The following ABCC5 variants were observed in gnomAD, a reference collection of about 807,000 sequenced individuals.
ABCC5 encodes ATP-binding cassette sub-family C member 5.
A neutral mutation model predicts 160.9 loss-of-function variants in ABCC5; 61 were observed. The ratio of observed to expected loss-of-function variants is 0.38; its 90% CI spans 0.31 to 0.47. ABCC5 has a LOEUF of 0.47. Among genes scored for constraint, ABCC5 ranks in the 20% least tolerant of loss-of-function variants. The pLI, the probability that ABCC5 is intolerant of heterozygous loss-of-function variation, is 0.99. For synonymous variants in ABCC5, 666 were observed against 700.6 expected (o/e 0.95, Z 0.78); for missense variants, 1,308 against 1,813.3 (o/e 0.72, Z 5.06).
rs775189357 is a variant in ABCC5 at position 184,014,440 on chromosome 3, C to T, written c.-48G>A. 1.3e-6 allele frequency: 2 copies of T among 1,538,050 alleles called. No individual in the cohort carries two copies. The highest frequency in any genetic ancestry group is 1.8e-6 in the Non-Finnish European group (2 of 1,142,180). The stretch of plus-strand genomic sequence containing the variant: ...GGCTCACAGACTGTTAGTTTCACAT[C>T]AGAATTCCTGAAATTAAAAATTCAT... On this transcript the variant is annotated 5_prime_UTR_variant, in exon 2 of 30. Coordinates refer to ENST00000334444, the MANE Select transcript of ABCC5 (RefSeq NM_005688.4).
chr3:183,978,727 A>G, intron 8 of ABCC5, 76 bp from the exon 9 acceptor site: 1 of 1,528,158 alleles, frequency 6.5e-7, no homozygotes, highest in Admixed American at 1.8e-5. Context: ...CCTCCAAACA[A>G]GACTCTGTAG....
At position 183,947,367 on chromosome 3, in the gene ABCC5, A is replaced by T. The variant is rs201309685; in HGVS notation, c.3371T>A (p.Ile1124Asn). 1,979 of 1,613,732 alleles carry T rather than the reference A, an allele frequency of 1.2e-3. 2 individuals are homozygous for T. Among genetic ancestry groups the T allele is most frequent in the Non-Finnish European group, 1.6e-3 (1,894 of 1,179,772 alleles). Residue 1124 changes from isoleucine to asparagine, a missense_variant, in exon 23 of 30, where the codon ATT (isoleucine) becomes AAT (asparagine). Physicochemically the swap from Ile to Asn is moderately radical, Grantham distance 149. Around this residue, in one of 3 missense-constraint regions of ABCC5, gnomAD observed 1,142 missense variants for 1,527.1 expected, o/e 0.75. Coordinates refer to ENST00000334444, the MANE Select transcript of ABCC5 (RefSeq NM_005688.4). The part of the protein sequence containing the change: ...GLMIVLMHGQ[I>N]PPAYAGLAIS... Reference sequence around the variant, plus strand: ...GGCGAGACCCGCATAGGCTGGGGGAATCTGCCCGTGCATAAGAACGATCAT... The same window carrying T: ...GGCGAGACCCGCATAGGCTGGGGGATTCTGCCCGTGCATAAGAACGATCAT...
chr3:183,965,483 T>C lies in ABCC5; in HGVS notation c.1852A>G (p.Ser618Gly), dbSNP rs768002807. The change falls in exon 13 of 30, where the codon AGC (serine) becomes GGC (glycine). Residue 618 changes from serine to glycine, a missense_variant. Physicochemically the swap from Ser to Gly is moderately conservative, Grantham distance 56. Transcript: ENST00000334444. ...ILGQMTLLEG[S>G]IAISGTFAYV... is the part of the protein sequence containing the mutation. ...GCGAAGGTTCCACTGATTGCAATGC[T>C]GCCCTCTAGAAGCGTCATCTAGGGA... 15 of 1,613,652 alleles carry C rather than the reference T, an allele frequency of 9.3e-6. No individual in the cohort carries two copies. The highest frequency in any genetic ancestry group is 1.3e-5 in the Non-Finnish European group (15 of 1,180,044).
At chr3:183,967,483 T>A in intron 12 of ABCC5, 1 of 537,330 alleles carries the variant, frequency 1.9e-6, no homozygotes, top group Non-Finnish European at 3.4e-6. Context: ...CAACAGTCAG[T>A]CATCCATCAG....
rs1352544116 is a variant in ABCC5, at chr3:183,927,376, T to C, written c.4001A>G (p.Glu1334Gly). The change falls in exon 28 of 30, where the codon GAA becomes GGA. Residue 1334 changes from glutamate (E) to glycine (G), a missense_variant. By Grantham distance (98) the Glu-to-Gly change is moderately conservative. Transcript: ENST00000334444. The stretch of plus-strand genomic sequence containing the variant: ...TCTAGCTATGCACAAGAGCTGCCGT[T>C]CCCCCACTGAGAAGTTATCCCCATT... ...MENGDNFSVGERQLLCIARAL... is the reference protein window; with the variant it reads ...MENGDNFSVGGRQLLCIARAL... 6.2e-7 allele frequency: 1 copy of C among 1,613,632 alleles called. No homozygotes were observed. Among genetic ancestry groups the C allele is most frequent in the African/African-American group, 1.3e-5 (1 of 74,892 alleles).
At chr3:184,004,459 C>T (rs2108905775) in intron 2 of ABCC5, among the ~76,000 whole-genome samples, 1 of 140,718 alleles carries the variant, frequency 7.1e-6, no homozygotes, top group African/African-American at 2.7e-5. Context: ...TGCAGTGAGC[C>T]AAGACCATGC....
rs146924278 is a variant in ABCC5, at chr3:183,955,800, A to C, written c.2483-2530T>G. Among the ~76,000 whole-genome samples, 2 of 139,680 alleles carry C rather than the reference A, an allele frequency of 1.4e-5. 1 individual carries two copies. The highest frequency in any genetic ancestry group is 3.1e-5 in the Non-Finnish European group (2 of 63,984). 91.6% of individuals were successfully genotyped at this position (139,680 alleles called of 152,430 possible). On this transcript the variant is annotated intron_variant, in intron 17 of 29. Transcript: ENST00000334444. ...TATTACATCTGTTACATGCAGATCC[A>C]TGTGTATATCACATCAGTTACATGC...
In ABCC5 at chr3:183,921,767, C is replaced by T. The variant is rs1190896448; in HGVS notation, c.4213-366G>A. Among the ~76,000 whole-genome samples, 1 of 152,060 alleles carries T rather than the reference C, an allele frequency of 6.6e-6. No homozygotes were observed. The highest frequency in any genetic ancestry group is 2.4e-5 in the African/African-American group (1 of 41,410). On this transcript the variant is annotated intron_variant, in intron 29 of 29. Transcript: ENST00000334444. This position sits in a 1 kb window ranked among gnomAD's most constrained non-coding sequence, Gnocchi z 4.1. ...TAAACTGCAGGAGGCTGGTGGCTCA[C>T]GCCTGTAATCTCAACACTTTGGGAG...
At chr3:183,928,112 CTTTT>C (rs10715407) in intron 27 of ABCC5, among the ~76,000 whole-genome samples, 3 of 138,484 alleles carry the variant, frequency 2.2e-5, no homozygotes, top group Admixed American at 7.3e-5. Context: ...TGTTATGTAT[CTTTT>C]TTTTTTTTTT....
intron 5 of ABCC5, chr3:183,985,014 A>T: frequency 1.2e-6 from 1 of 855,828 alleles, no homozygotes. Flanking sequence ...GGAAGGTAAA[A>T]GACATAGTGA....
chr3:183,999,102 G>A (rs10559442), intron 2 of ABCC5, among the ~76,000 whole-genome samples: 18 of 144,452 alleles, frequency 1.2e-4, no homozygotes, highest in Non-Finnish European at 1.8e-4. Context: ...AAAAAAAAAA[G>A]AAAAAAAAAA....
At chr3:183,927,518 A>T (rs936814807) in intron 27 of ABCC5, 75 bp from the exon 28 acceptor site, 38 of 1,531,108 alleles carry the variant, frequency 2.5e-5, no homozygotes, top group Non-Finnish European at 3.1e-5. Context: ...GGACAGAAAG[A>T]AATGATTCTG....
chr3:184,002,163 C>T (rs1051886773), intron 2 of ABCC5, among the ~76,000 whole-genome samples: 3 of 151,978 alleles, frequency 2.0e-5, no homozygotes, highest in African/African-American at 7.2e-5. Flanking sequence ...TTTGGGAGGC[C>T]AAGGTGGGAG....
intron 25 of ABCC5, among the ~76,000 whole-genome samples, chr3:183,939,420 G>A (rs1413871213): frequency 2.0e-5 from 3 of 152,164 alleles, no homozygotes; most frequent in East Asian, 1.9e-4. Context: ...GCGACAGAAC[G>A]AGACTCTGTT....
rs1560000416 is a variant in ABCC5, at chr3:183,953,225, C to G, written c.2528G>C (p.Trp843Ser). The change falls in exon 18 of 30, where the codon TGG (tryptophan) becomes TCG (serine). Residue 843 changes from tryptophan to serine, a missense_variant. Physicochemically the swap from Trp to Ser is radical, Grantham distance 177. This residue lies in a region of ABCC5 where 1,142 missense variants were observed against 1,527.1 expected (regional missense o/e 0.75). Coordinates refer to ENST00000334444, the MANE Select transcript of ABCC5 (RefSeq NM_005688.4). The stretch of plus-strand genomic sequence containing the variant: ...CTGGATGTAGACACCATATACTGAC[C>G]AGGGCACTGAACCCTGCCCTTTCTC... ...LEEKGQGSVP[W>S]SVYGVYIQAA... The G allele has an allele frequency of 6.2e-7, 1 of 1,613,978 alleles. No individual in the cohort carries two copies. The highest frequency in any genetic ancestry group is 8.5e-7 in the Non-Finnish European group (1 of 1,179,914).
Position 183,983,117 on chromosome 3 carries a change from C to T in ABCC5, c.592-110G>A, listed in dbSNP as rs144992003. The T allele has an allele frequency of 3.0e-3, 3,135 of 1,060,276 alleles. 105 individuals are homozygous for T. In the Admixed American group the frequency reaches 0.059, roughly 20 times the overall value. The allele number at this position is 1,060,276 out of a possible 1,614,324, so 65.7% of individuals were successfully genotyped here. On this transcript the variant is annotated intron_variant, in intron 5 of 29. Transcript: ENST00000334444. ...AGGCAGCTCCACTCAGGGACCAGTG[C>T]GCAAGCAAAGCAAAACTTTGGAAGA...
intron 2 of ABCC5, among the ~76,000 whole-genome samples, chr3:183,993,896 C>T (rs1184804802): frequency 6.6e-6 from 1 of 151,666 alleles, no homozygotes; most frequent in Non-Finnish European, 1.5e-5. Context: ...AAAATCACTA[C>T]TAGAACTGTA....
chr3:183,974,841 A>T (rs936055104), intron 10 of ABCC5, among the ~76,000 whole-genome samples: 1 of 152,218 alleles, frequency 6.6e-6, no homozygotes, highest in Non-Finnish European at 1.5e-5. Context: ...ATACTACCCA[A>T]CAGGAAGCAA....
At position 183,984,759 on chromosome 3, in the gene ABCC5, T is replaced by C. The variant is rs568996166; in HGVS notation, c.592-1752A>G. On this transcript the variant is annotated intron_variant, in intron 5 of 29. Transcript: ENST00000334444. ...AAGAAGATTGGCTTCTTTTCCAGTA[T>C]GCAATCCAAAATGTGGAACTGAGTC... The C allele has an allele frequency of 1.9e-4, 288 of 1,540,234 alleles. 1 individual carries two copies. The East Asian group carries it at 6.9e-3, about 37-fold the overall frequency.
Sources: allele counts gnomAD v4.1 joint callset (sites outside exome capture counted in the v4.1 genomes callset), GRCh38; gene constraint gnomAD v4.1.1; regional missense constraint gnomAD v4.1.1; non-coding constraint Gnocchi (gnomAD v3.1); transcripts MANE v1.5; gene names NCBI Gene and HGNC (gene_info 2026-07-23, HGNC 2026-07-21).